IL2RA: variants seen among roughly 807,000 people sequenced by gnomAD.
The protein encoded by IL2RA is interleukin-2 receptor subunit alpha.
Under a neutral mutation model 37.8 loss-of-function variants are expected in IL2RA, and 24 were observed. That is an observed-to-expected ratio of 0.63 (90% CI 0.46 to 0.89). The LOEUF (loss-of-function observed/expected upper bound fraction) is 0.89. Ranked by LOEUF, IL2RA falls within the 40% of genes least tolerant of loss-of-function variation. The pLI, the probability that IL2RA is intolerant of heterozygous loss-of-function variation, is 0.00. For missense variants in IL2RA, 319 were observed against 348.6 expected (o/e 0.92, Z 0.68); for synonymous variants, 125 against 114.6 (o/e 1.09, Z -0.58).
Position 6,046,015 on chromosome 10 carries a change from A to G in IL2RA, c.64+16073T>C, listed in dbSNP as rs1839850188. Among the ~76,000 whole-genome samples, 1 of 152,186 alleles carries G rather than the reference A, an allele frequency of 6.6e-6. No individual in the cohort carries two copies. The highest frequency in any genetic ancestry group is 2.1e-4 in the South Asian group (1 of 4,836). On this transcript the variant is annotated intron_variant, in intron 1 of 7. Coordinates refer to ENST00000379959, the MANE Select transcript of IL2RA (RefSeq NM_000417.3). The surrounding 1 kb of genome is among the most constrained non-coding windows in gnomAD (Gnocchi z 4.8). ...CCTGTTAACACAAATCCTAATTGTCAGGCTGACCAAGCCCACGTGTCCAGA... is the reference window on the plus strand; with the variant it reads ...CCTGTTAACACAAATCCTAATTGTCGGGCTGACCAAGCCCACGTGTCCAGA...
At chr10:6,040,732 C>G (rs1589304533) in intron 1 of IL2RA, among the ~76,000 whole-genome samples, 1 of 152,018 alleles carries the variant, frequency 6.6e-6, no homozygotes, top group East Asian at 1.9e-4. Flanking sequence ...TTAAAAGAAC[C>G]CTCGTTATTA....
Position 6,029,960 on chromosome 10 carries a change from C to T in IL2RA, c.65-3935G>A, listed in dbSNP as rs1839550599. 2.0e-5 allele frequency among the ~76,000 whole-genome samples: 3 copies of T among 152,190 alleles called. No homozygotes were observed. In the South Asian group the frequency reaches 6.2e-4, roughly 31 times the overall value. On this transcript the variant is annotated intron_variant, in intron 1 of 7. Transcript: ENST00000379959. The surrounding 1 kb of genome is among the most constrained non-coding windows in gnomAD (Gnocchi z 4.6). ...CCTCAGATGATCCACCTGCCTTGGC[C>T]TCCCAAAGTGCTGGGATTACAGGTG...
rs1400198328 is a variant in IL2RA at position 6,022,544 on chromosome 10, C to A, written c.368-851G>T. Among the ~76,000 whole-genome samples, 3 of 152,224 alleles carry A rather than the reference C, an allele frequency of 2.0e-5. No homozygotes were observed. The highest frequency in any genetic ancestry group is 4.4e-5 in the Non-Finnish European group (3 of 68,036). ...TCTGAACTTCCAGACTCTCCCCAAC[C>A]CTGCATACCCAACAGAGCCTCTGTA... On this transcript the variant is annotated intron_variant, in intron 3 of 7. Transcript: ENST00000379959. This position sits in a 1 kb window ranked among gnomAD's most constrained non-coding sequence, Gnocchi z 4.7.
In IL2RA at chr10:6,020,091, T is replaced by C. The variant is rs988789330; in HGVS notation, c.584-150A>G. 3.0e-6 allele frequency: 2 copies of C among 672,620 alleles called. No individual in the cohort carries two copies. Among genetic ancestry groups the C allele is most frequent in the Non-Finnish European group, 5.4e-6 (2 of 371,532 alleles). The allele number at this position is 672,620 out of a possible 1,614,324, so 41.7% of individuals were successfully genotyped here. On this transcript the variant is annotated intron_variant, in intron 4 of 7. Coordinates refer to ENST00000379959, the MANE Select transcript of IL2RA (RefSeq NM_000417.3). The surrounding 1 kb of genome is among the most constrained non-coding windows in gnomAD (Gnocchi z 5.6). ...ACTTCGCCAGGGATGCCACCCCTCATGGTTCCACAGCAGGGGCACTGGGAA... is the reference window on the plus strand; with the variant it reads ...ACTTCGCCAGGGATGCCACCCCTCACGGTTCCACAGCAGGGGCACTGGGAA...
chr10:6,060,349 C>T (rs557740690), intron 1 of IL2RA, among the ~76,000 whole-genome samples: 41 of 152,112 alleles, frequency 2.7e-4, no homozygotes, highest in African/African-American at 5.5e-4. Context: ...AATCTTACAA[C>T]GCATTGGGTA....
chr10:6,031,576 ATTAAAAAT>A (rs955090955), intron 1 of IL2RA, among the ~76,000 whole-genome samples: 3 of 147,110 alleles, frequency 2.0e-5, no homozygotes, highest in Non-Finnish European at 4.5e-5. Flanking sequence ...CAATTAGAAA[ATTAAAAAT>A]TTAAAAACAA....
At chr10:6,061,819 CA>C (rs1840125590) in intron 1 of IL2RA, among the ~76,000 whole-genome samples, 1 of 152,152 alleles carries the variant, frequency 6.6e-6, no homozygotes, top group Non-Finnish European at 1.5e-5. Flanking sequence ...CCAAATATCC[CA>C]AATATCATGC....
chr10:6,020,264 G>A lies in IL2RA; in HGVS notation c.584-323C>T, dbSNP rs1434889341. Among the ~76,000 whole-genome samples, 5 of 152,102 alleles carry A rather than the reference G, an allele frequency of 3.3e-5. No individual in the cohort carries two copies. The highest frequency in any genetic ancestry group is 9.7e-5 in the African/African-American group (4 of 41,426). ...ACTTGGAAACAGGTCATAATAATAC[G>A]AATGCCATTGAACCACTGGATGGAG... On this transcript the variant is annotated intron_variant, in intron 4 of 7. Transcript: ENST00000379959. This position sits in a 1 kb window ranked among gnomAD's most constrained non-coding sequence, Gnocchi z 5.6.
At position 6,021,400 on chromosome 10, in the gene IL2RA, G is replaced by T; in HGVS notation, c.583+78C>A. 2 of 1,148,622 alleles carry T rather than the reference G, an allele frequency of 1.7e-6. No individual in the cohort carries two copies. Among genetic ancestry groups the T allele is most frequent in the Non-Finnish European group, 1.3e-6 (1 of 757,618 alleles). The allele number at this position is 1,148,622 out of a possible 1,614,324, so 71.2% of individuals were successfully genotyped here. On this transcript the variant is annotated intron_variant, in intron 4 of 7. Transcript: ENST00000379959. This position sits in a 1 kb window ranked among gnomAD's most constrained non-coding sequence, Gnocchi z 4.9. ...GTCCAAGGACCACTCTTGTCCAGCA[G>T]GAGTGGTCAGGGATTCCACTCTGGT...
chr10:6,017,987 G>T, intron 7 of IL2RA, 66 bp downstream of exon 7: 2 of 1,298,754 alleles, frequency 1.5e-6, no homozygotes, highest in Non-Finnish European at 2.2e-6. Context: ...GTAGGGGGGA[G>T]GCAGGGTGGG....
At position 6,058,801 on chromosome 10, in the gene IL2RA, A is replaced by G. The variant is rs1292126648; in HGVS notation, c.64+3287T>C. 6.6e-6 allele frequency among the ~76,000 whole-genome samples: 1 copy of G among 152,202 alleles called. No individual in the cohort carries two copies. The highest frequency in any genetic ancestry group is 1.5e-5 in the Non-Finnish European group (1 of 68,038). On this transcript the variant is annotated intron_variant, in intron 1 of 7. Transcript: ENST00000379959. This position sits in a 1 kb window ranked among gnomAD's most constrained non-coding sequence, Gnocchi z 4.2. ...CACAGTTCTGAGAAAGGTGCCTTCA[A>G]TAACGTGCCATATTGGTAATACCAG... is the stretch of plus-strand genomic sequence containing the variant.
rs1839517705 is a variant in IL2RA at position 6,028,392 on chromosome 10, C to T, written c.65-2367G>A. Among the ~76,000 whole-genome samples, 1 of 152,144 alleles carries T rather than the reference C, an allele frequency of 6.6e-6. No individual in the cohort carries two copies. Among genetic ancestry groups the T allele is most frequent in the Non-Finnish European group, 1.5e-5 (1 of 68,026 alleles). ...TTATGCTAAGTTTTATTTATAAAAA[C>T]AGGTGTCTGAGCTGTGGGTTGTAGT... On this transcript the variant is annotated intron_variant, in intron 1 of 7. Coordinates refer to ENST00000379959, the MANE Select transcript of IL2RA (RefSeq NM_000417.3). The surrounding 1 kb of genome is among the most constrained non-coding windows in gnomAD (Gnocchi z 4.1).
chr10:6,020,002 AC>A lies in IL2RA; in HGVS notation c.584-62del. 7.1e-7 allele frequency: 1 copy of A among 1,407,838 alleles called. No homozygotes were observed. Among genetic ancestry groups the A allele is most frequent in the South Asian group, 1.2e-5 (1 of 85,884 alleles). The allele number at this position is 1,407,838 out of a possible 1,614,324, so 87.2% of individuals were successfully genotyped here. A position where few individuals can be genotyped will look rare whatever the true frequency, so the allele number is the denominator to read the frequency against. On this transcript the variant is annotated intron_variant, in intron 4 of 7. Transcript: ENST00000379959. This position sits in a 1 kb window ranked among gnomAD's most constrained non-coding sequence, Gnocchi z 5.6. The stretch of plus-strand genomic sequence containing the variant: ...ACACAGGAGTCAGGGCCTCACTCCC[AC>A]CCCGCCTGCCCCAGGCAGCCGGCCC...
rs988681311 is a variant in IL2RA, at chr10:6,047,010, G to A, written c.64+15078C>T. 2.0e-5 allele frequency among the ~76,000 whole-genome samples: 3 copies of A among 152,214 alleles called. No individual in the cohort carries two copies. Among genetic ancestry groups the A allele is most frequent in the Non-Finnish European group, 2.9e-5 (2 of 68,038 alleles). ...AGAAGATCCTGCTTTTTACTCGGGT[G>A]TGGGACAAGTAGTTATGAAGCCACA... On this transcript the variant is annotated intron_variant, in intron 1 of 7. Coordinates refer to ENST00000379959, the MANE Select transcript of IL2RA (RefSeq NM_000417.3). The surrounding 1 kb of genome is among the most constrained non-coding windows in gnomAD (Gnocchi z 5.0).
At chr10:6,027,618 G>T (rs535574086) in intron 1 of IL2RA, among the ~76,000 whole-genome samples, 60 of 152,252 alleles carry the variant, frequency 3.9e-4, no homozygotes, top group Middle Eastern at 3.4e-3. Context: ...TTATTTTATT[G>T]ATTTAATGAT....
At position 6,020,272 on chromosome 10, in the gene IL2RA, T is replaced by C. The variant is rs540801025; in HGVS notation, c.584-331A>G. ...ACAGGTCATAATAATACGAATGCCA[T>C]TGAACCACTGGATGGAGCAGAGATG... is the stretch of plus-strand genomic sequence containing the variant. On this transcript the variant is annotated intron_variant, in intron 4 of 7. Coordinates refer to ENST00000379959, the MANE Select transcript of IL2RA (RefSeq NM_000417.3). The surrounding 1 kb of genome is among the most constrained non-coding windows in gnomAD (Gnocchi z 5.6). Among the ~76,000 whole-genome samples the C allele has an allele frequency of 7.9e-5, 12 of 152,272 alleles. No individual in the cohort carries two copies. The highest frequency in any genetic ancestry group is 3.4e-3 in the Middle Eastern group (1 of 294).
At chr10:6,061,794 G>T (rs1440063727) in intron 1 of IL2RA, among the ~76,000 whole-genome samples, 1 of 152,080 alleles carries the variant, frequency 6.6e-6, no homozygotes, top group African/African-American at 2.4e-5. Flanking sequence ...CTGCTCATCG[G>T]GACCCTGTTA....
In IL2RA at chr10:6,048,363, C is replaced by T. The variant is rs1307891750; in HGVS notation, c.64+13725G>A. ...GATGGGGTGCCATTCATTGAGATAG[C>T]AAAGAGAGGAGAAAGAGTAGGTTCC... On this transcript the variant is annotated intron_variant, in intron 1 of 7. Coordinates refer to ENST00000379959, the MANE Select transcript of IL2RA (RefSeq NM_000417.3). The surrounding 1 kb of genome is among the most constrained non-coding windows in gnomAD (Gnocchi z 5.3). Among the ~76,000 whole-genome samples the T allele has an allele frequency of 1.3e-5, 2 of 152,140 alleles. No individual in the cohort carries two copies. Among genetic ancestry groups the T allele is most frequent in the Non-Finnish European group, 2.9e-5 (2 of 68,028 alleles).
At chr10:6,041,912 G>T (rs1564549397) in intron 1 of IL2RA, among the ~76,000 whole-genome samples, 1 of 151,880 alleles carries the variant, frequency 6.6e-6, no homozygotes, top group Non-Finnish European at 1.5e-5. Flanking sequence ...AATACATATT[G>T]TTGATAAGGT....
Sources: allele counts gnomAD v4.1 joint callset (sites outside exome capture counted in the v4.1 genomes callset), GRCh38; gene constraint gnomAD v4.1.1; non-coding constraint Gnocchi (gnomAD v3.1); transcripts MANE v1.5; gene names NCBI Gene and HGNC (gene_info 2026-07-23, HGNC 2026-07-21).